NCOA3: variants seen among roughly 807,000 people sequenced by gnomAD.
The protein encoded by NCOA3 is CBP-interacting protein.
A neutral mutation model predicts 158.8 loss-of-function variants in NCOA3; 51 were observed. That is an observed-to-expected ratio of 0.32 (90% confidence interval 0.26 to 0.41). NCOA3 has a LOEUF of 0.41. NCOA3 is among the 10% of genes least tolerant of loss of function. NCOA3 has a pLI of 1.00. For synonymous variants in NCOA3, 537 were observed against 592.4 expected, an observed-to-expected ratio of 0.91 and a Z score of 1.36; for missense variants, 1,510 against 1,746.6, an observed-to-expected ratio of 0.86 and a Z score of 2.41.
At chr20:47,569,126 A>G (rs2085250263) in intron 1 of NCOA3, among the ~76,000 whole-genome samples, 1 of 152,072 alleles carries the variant, frequency 6.6e-6, no homozygotes, top group African/African-American at 2.4e-5. Context: ...GACCAGGATC[A>G]CTTGAGCCCA....
At chr20:47,635,777 T>C in intron 11 of NCOA3, 64 bp downstream of exon 11, 1 of 1,500,854 alleles carries the variant, frequency 6.7e-7, no homozygotes, top group Non-Finnish European at 8.9e-7. Context: ...TCCATACTAC[T>C]ATAATTCTTG....
At chr20:47,550,039 T>C (rs2084904615) in intron 1 of NCOA3, among the ~76,000 whole-genome samples, 5 of 152,168 alleles carry the variant, frequency 3.3e-5, no homozygotes, top group Admixed American at 3.3e-4. Context: ...TGAGAAAGCT[T>C]GCAGAGCCTT....
At chr20:47,623,791 A>G in intron 3 of NCOA3, 120 bp from the exon 4 acceptor site, 1 of 930,924 alleles carries the variant, frequency 1.1e-6, no homozygotes, top group Non-Finnish European at 1.5e-6. Flanking sequence ...CTCTGTCTCG[A>G]GGAAAAAAAA....
intron 10 of NCOA3, 46 bp from the exon 11 acceptor site, chr20:47,635,276 T>C (rs1445787547): frequency 2.6e-6 from 4 of 1,511,502 alleles, no homozygotes; most frequent in South Asian, 1.3e-5. Context: ...AAAGCTTTCA[T>C]GCATGCTTAG....
chr20:47,653,789 T>C lies in NCOA3; in HGVS notation c.*372T>C, dbSNP rs1054312038. 5 of 266,306 alleles carry C rather than the reference T, an allele frequency of 1.9e-5. No individual in the cohort carries two copies. Among genetic ancestry groups the C allele is most frequent in the South Asian group, 1.1e-4 (1 of 9,104 alleles). 16.5% of individuals were successfully genotyped at this position (266,306 alleles called of 1,614,324 possible). Reference sequence around the variant, plus strand: ...ATACACGTAGGTGGGCCAGAGAACATTGGAAGAATCAAGAGAGATTAGAAT... The same window carrying C: ...ATACACGTAGGTGGGCCAGAGAACACTGGAAGAATCAAGAGAGATTAGAAT... On this transcript the variant is annotated 3_prime_UTR_variant, in exon 23 of 23. Coordinates refer to ENST00000371998, the MANE Select transcript of NCOA3 (RefSeq NM_181659.3).
At chr20:47,642,934 G>A (rs754592028) in intron 17 of NCOA3, among the ~76,000 whole-genome samples, 13 of 151,966 alleles carry the variant, frequency 8.6e-5, no homozygotes, top group Non-Finnish European at 1.5e-4. Flanking sequence ...TTTTTGAATC[G>A]GAGTCTCGCT....
intron 1 of NCOA3, among the ~76,000 whole-genome samples, chr20:47,522,111 T>TC (rs1266536346): frequency 1.4e-5 from 2 of 142,026 alleles, no homozygotes; most frequent in African/African-American, 5.2e-5. Flanking sequence ...TTTTTTTTTT[T>TC]TTTTTTTTTT....
chr20:47,633,379 G>T, intron 8 of NCOA3, 117 bp from the exon 9 acceptor site: 2 of 988,896 alleles, frequency 2.0e-6, no homozygotes, highest in South Asian at 3.6e-5. Context: ...GATCAGAGAA[G>T]GTGGAGCAAA....
chr20:47,600,567 C>T (rs1008314492), intron 2 of NCOA3, among the ~76,000 whole-genome samples: 4 of 149,936 alleles, frequency 2.7e-5, no homozygotes, highest in African/African-American at 9.8e-5. Context: ...CACCCAGGCT[C>T]TAGTGCAGTG....
At chr20:47,596,092 G>T (rs933773576) in intron 2 of NCOA3, among the ~76,000 whole-genome samples, 1 of 152,108 alleles carries the variant, frequency 6.6e-6, no homozygotes, top group African/African-American at 2.4e-5. Flanking sequence ...ACTGAAGAAC[G>T]GGACGGTCAG....
rs762678921 is a variant in NCOA3, at chr20:47,651,085, AGCAGCAACAGCAGCAGCAG to A, written c.3756_3774del (p.Gln1252HisfsTer29). 22 of 1,585,644 alleles carry A rather than the reference AGCAGCAACAGCAGCAGCAG, an allele frequency of 1.4e-5. No homozygotes were observed. The highest frequency in any genetic ancestry group is 1.7e-5 in the Non-Finnish European group (20 of 1,163,342). On this transcript the variant is annotated frameshift_variant, in exon 20 of 23. Coordinates refer to ENST00000371998, the MANE Select transcript of NCOA3 (RefSeq NM_181659.3). LOFTEE classifies it high-confidence loss of function. The stretch of plus-strand genomic sequence containing the variant: ...GCTATGATGATGCAGCAGCAGCAGC[AGCAGCAACAGCAGCAGCAG>A]CAGCAGCAGCAGCAGCAACAGCAAC...
chr20:47,542,599 C>T (rs547917799), intron 1 of NCOA3, among the ~76,000 whole-genome samples: 54 of 152,194 alleles, frequency 3.5e-4, no homozygotes, highest in Admixed American at 6.5e-5. Flanking sequence ...ACTGCTTAAG[C>T]CTGGAAGTTT....
intron 1 of NCOA3, among the ~76,000 whole-genome samples, chr20:47,562,302 G>GT (rs1182154205): frequency 1.3e-5 from 2 of 152,198 alleles, no homozygotes; most frequent in African/African-American, 4.8e-5. Context: ...AATATGTTTA[G>GT]TTTTTTAAGA....
intron 1 of NCOA3, among the ~76,000 whole-genome samples, chr20:47,532,791 T>C (rs1443919990): frequency 6.6e-6 from 1 of 152,090 alleles, no homozygotes; most frequent in Non-Finnish European, 1.5e-5. Context: ...ATTTTTTAAT[T>C]GTATTTTTGG....
At chr20:47,602,592 T>C (rs2085880644) in intron 2 of NCOA3, among the ~76,000 whole-genome samples, 1 of 152,328 alleles carries the variant, frequency 6.6e-6, no homozygotes, top group South Asian at 2.1e-4. Flanking sequence ...ACAGGAGAAA[T>C]GCTTTGACTT....
At chr20:47,505,387 C>T (rs1205351177) in intron 1 of NCOA3, among the ~76,000 whole-genome samples, 1 of 152,052 alleles carries the variant, frequency 6.6e-6, no homozygotes. Context: ...TATAATTTCA[C>T]ACTTTGGCCA....
chr20:47,531,392 A>G (rs1462216130), intron 1 of NCOA3, among the ~76,000 whole-genome samples: 1 of 152,212 alleles, frequency 6.6e-6, no homozygotes, highest in Non-Finnish European at 1.5e-5. Flanking sequence ...TTCAAGATAT[A>G]TAAATGAACC....
In NCOA3 at chr20:47,632,381, G is replaced by GTT. The variant is rs34786220; in HGVS notation, c.824-1097_824-1096dup. Among the ~76,000 whole-genome samples the GTT allele has an allele frequency of 5.2e-3, 697 of 135,118 alleles. 6 individuals are homozygous for GTT. The highest frequency in any genetic ancestry group is 0.018 in the African/African-American group (627 of 35,794). 88.6% of individuals were successfully genotyped at this position (135,118 alleles called of 152,430 possible). On this transcript the variant is annotated intron_variant, in intron 8 of 22. Transcript: ENST00000371998. ...GCTCATCAAATCTCTTGTTCAAGAG[G>GTT]TTTTTTTTTTTTTTTTTTTAATTGG... is the stretch of plus-strand genomic sequence containing the variant.
chr20:47,564,304 T>C (rs1797426225), intron 1 of NCOA3, among the ~76,000 whole-genome samples: 2 of 152,196 alleles, frequency 1.3e-5, no homozygotes, highest in Admixed American at 1.3e-4. Flanking sequence ...GGCATCCTTT[T>C]AGGTAATTGT....
Sources: allele counts gnomAD v4.1 joint callset (sites outside exome capture counted in the v4.1 genomes callset), GRCh38; gene constraint gnomAD v4.1.1; transcripts MANE v1.5; gene names NCBI Gene and HGNC (gene_info 2026-07-23, HGNC 2026-07-21).